SGCZ: variants seen among roughly 807,000 people sequenced by gnomAD.
SGCZ encodes the protein sarcoglycan zeta, also known as zeta-sarcoglycan.
SGCZ carries 40 observed loss-of-function variants against 41.3 expected under a neutral mutation model. That is an observed-to-expected ratio of 0.97 (90% CI 0.75 to 1.26). The LOEUF is 1.26. Among genes scored for constraint, SGCZ ranks in the 50% most tolerant of loss-of-function variants. The probability of loss-of-function intolerance (pLI) is 0.00; values close to 1 mark genes in which losing one functional copy is unlikely to be tolerated. For synonymous variants in SGCZ, 206 were observed against 137.5 expected (o/e 1.50, Z -3.49); for missense variants, 552 against 369.8 (o/e 1.49, Z -4.04).
chr8:15,018,572 C>A (rs1297340849), intron 1 of SGCZ, among the ~76,000 whole-genome samples: 1 of 152,076 alleles, frequency 6.6e-6, no homozygotes, highest in Non-Finnish European at 1.5e-5. Flanking sequence ...AGGCCCCCAA[C>A]TCAAGAACAG....
chr8:15,120,198 G>T (rs2116948730), intron 1 of SGCZ, among the ~76,000 whole-genome samples: 1 of 152,296 alleles, frequency 6.6e-6, no homozygotes, highest in Non-Finnish European at 1.5e-5. Flanking sequence ...ATGAACGAAT[G>T]ATAAATAAGA....
intron 2 of SGCZ, among the ~76,000 whole-genome samples, chr8:14,450,812 C>G (rs1163749354): frequency 6.6e-6 from 1 of 152,150 alleles, no homozygotes; most frequent in African/African-American, 2.4e-5. Context: ...ACACTAAGGA[C>G]AGAATTACCT....
intron 7 of SGCZ, among the ~76,000 whole-genome samples, chr8:14,095,205 C>T (rs1055546117): frequency 2.0e-5 from 3 of 152,102 alleles, no homozygotes; most frequent in Non-Finnish European, 4.4e-5. Context: ...TTGCCCGTGC[C>T]TATGTCAAGA....
intron 1 of SGCZ, among the ~76,000 whole-genome samples, chr8:14,608,625 TTCTCAATGGTCA>T (rs1805828880): frequency 7.7e-6 from 1 of 129,204 alleles, no homozygotes; most frequent in Non-Finnish European, 1.6e-5. Flanking sequence ...TCTGTTGTCT[TTCTCAATGGTCA>T]TCGACATACA....
chr8:14,630,818 C>A (rs1453169802), intron 1 of SGCZ, among the ~76,000 whole-genome samples: 2 of 136,914 alleles, frequency 1.5e-5, no homozygotes, highest in South Asian at 2.2e-4. Context: ...GGGAATTGAA[C>A]AATGAGAACA....
In SGCZ at chr8:14,289,831, AT is replaced by A. The variant is rs201255666; in HGVS notation, c.336+34271del. 6.8e-3 allele frequency among the ~76,000 whole-genome samples: 1,005 copies of A among 148,400 alleles called. 10 individuals carry two copies. Among genetic ancestry groups the A allele is most frequent in the African/African-American group, 0.017 (684 of 40,952 alleles). On this transcript the variant is annotated intron_variant, in intron 3 of 7. Transcript: ENST00000382080. Reference sequence around the variant, plus strand: ...ACCTGAGACTAGATAATTAAAAAAAATAAAAAGAAAAGAAAAAGAGGTTTAA... The same window carrying A: ...ACCTGAGACTAGATAATTAAAAAAAAAAAAAGAAAAGAAAAAGAGGTTTAA...
At chr8:14,189,207 G>A (rs1805012189) in intron 4 of SGCZ, among the ~76,000 whole-genome samples, 1 of 151,998 alleles carries the variant, frequency 6.6e-6, no homozygotes, top group Non-Finnish European at 1.5e-5. Flanking sequence ...AATCTGGGCT[G>A]CTGAAACGCC....
At chr8:14,742,604 C>T (rs181427391) in intron 1 of SGCZ, among the ~76,000 whole-genome samples, 1 of 152,040 alleles carries the variant, frequency 6.6e-6, no homozygotes, top group East Asian at 1.9e-4. Flanking sequence ...AAAATTGTAC[C>T]TATTGTATAC....
rs149513048 is a variant in SGCZ at position 14,995,483 on chromosome 8, A to C, written c.39+242102T>G. Among the ~76,000 whole-genome samples the C allele has an allele frequency of 4.6e-5, 7 of 152,314 alleles. No individual in the cohort carries two copies. In the East Asian group the frequency reaches 1.4e-3, roughly 29 times the overall value. ...TGAAAGGACAGTGGTGTCATTAACT[A>C]AAGTACCAGGAGTTAGGACCACATC... On this transcript the variant is annotated intron_variant, in intron 1 of 7. Coordinates refer to ENST00000382080, the MANE Select transcript of SGCZ (RefSeq NM_139167.4).
At chr8:15,066,820 C>T (rs1247155149) in intron 1 of SGCZ, among the ~76,000 whole-genome samples, 2 of 152,108 alleles carry the variant, frequency 1.3e-5, no homozygotes, top group Admixed American at 6.6e-5. Context: ...GACACTAAGC[C>T]CAATACATTA....
chr8:14,279,108 G>A (rs1346207707), intron 3 of SGCZ, among the ~76,000 whole-genome samples: 4 of 151,990 alleles, frequency 2.6e-5, no homozygotes, highest in African/African-American at 7.2e-5. Context: ...ATCTTAGGTT[G>A]AATTCCCTAG....
chr8:15,081,134 T>C (rs116746597), intron 1 of SGCZ, among the ~76,000 whole-genome samples: 245 of 152,260 alleles, frequency 1.6e-3, no homozygotes, highest in African/African-American at 5.3e-3. Flanking sequence ...AGCAAACTCA[T>C]ATAGTATGCT....
rs1801678377 is a variant in SGCZ, at chr8:15,223,732, A to G, written c.39+13853T>C. ...ATAATCCTCATTGTTTTTACTAATT[A>G]TATTTTGCACATTTCAGATAGTATG... On this transcript the variant is annotated intron_variant, in intron 1 of 7. Coordinates refer to ENST00000382080, the MANE Select transcript of SGCZ (RefSeq NM_139167.4). 2.0e-5 allele frequency among the ~76,000 whole-genome samples: 3 copies of G among 152,330 alleles called. No homozygotes were observed. The South Asian group carries it at 6.2e-4, about 32-fold the overall frequency.
At chr8:14,219,408 C>T (rs1806110722) in intron 4 of SGCZ, among the ~76,000 whole-genome samples, 1 of 152,142 alleles carries the variant, frequency 6.6e-6, no homozygotes, top group Non-Finnish European at 1.5e-5. Flanking sequence ...GGGCCAAATT[C>T]TAATCCAGAC....
rs150253234 is a variant in SGCZ at position 14,303,232 on chromosome 8, A to G, written c.336+20871T>C. On this transcript the variant is annotated intron_variant, in intron 3 of 7. Transcript: ENST00000382080. ...GCATCCTTAAATTAACAGGCAAAGC[A>G]TAATAGGAAATATTATATAAGAGAA... Among the ~76,000 whole-genome samples the G allele has an allele frequency of 4.1e-4, 62 of 152,346 alleles. 1 individual carries two copies. The highest frequency in any genetic ancestry group is 3.4e-3 in the Middle Eastern group (1 of 294).
At chr8:14,652,346 A>AAAGGGGGG (rs201135943) in intron 1 of SGCZ, among the ~76,000 whole-genome samples, 2 of 50,744 alleles carry the variant, frequency 3.9e-5, no homozygotes, top group East Asian at 1.0e-3. Context: ...AAAAAAAAAA[A>AAAGGGGGG]GGGGGGGGTG....
chr8:14,195,962 A>G (rs1249475265), intron 4 of SGCZ, among the ~76,000 whole-genome samples: 1 of 152,122 alleles, frequency 6.6e-6, no homozygotes, highest in East Asian at 1.9e-4. Flanking sequence ...CTATACAGAG[A>G]AATAAAGGGT....
At chr8:15,010,334 A>G (rs189184456) in intron 1 of SGCZ, among the ~76,000 whole-genome samples, 1 of 152,360 alleles carries the variant, frequency 6.6e-6, no homozygotes, top group East Asian at 1.9e-4. Flanking sequence ...TACAAAAGAT[A>G]TAATTCTACC....
chr8:15,104,565 G>A (rs566934998), intron 1 of SGCZ, among the ~76,000 whole-genome samples: 22 of 152,228 alleles, frequency 1.4e-4, no homozygotes, highest in East Asian at 5.8e-4. Flanking sequence ...AAATAGCCAC[G>A]CAAATTTTCC....
Sources: gnomAD v4.1 joint callset for allele counts (sites outside exome capture counted in the v4.1 genomes callset) on GRCh38, gnomAD v4.1.1 for gene constraint, MANE v1.5 for transcripts, NCBI Gene and HGNC (gene_info 2026-07-23, HGNC 2026-07-21) for gene names.